Variants in AHCYL2 observed in about 807,000 individuals in gnomAD.
AHCYL2 encodes the protein S-adenosylhomocysteine hydrolase-like protein 2.
Under a neutral mutation model 81.4 loss-of-function variants are expected in AHCYL2, and 28 were observed. The observed-to-expected ratio is 0.34, with a 90% CI of 0.25 to 0.47. The LOEUF is 0.47. AHCYL2 is among the 20% of genes least tolerant of loss of function. AHCYL2 has a pLI of 1.00. For synonymous variants in AHCYL2, 272 were observed against 290.2 expected (o/e 0.94, Z 0.64); for missense variants, 551 against 785.1 (o/e 0.70, Z 3.56).
intron 1 of AHCYL2, among the ~76,000 whole-genome samples, chr7:129,326,183 T>C (rs1259170934): frequency 6.6e-6 from 1 of 152,174 alleles, no homozygotes; most frequent in African/African-American, 2.4e-5. Flanking sequence ...TTAAGACTTT[T>C]AATATGTGTT....
intron 4 of AHCYL2, among the ~76,000 whole-genome samples, chr7:129,390,100 A>G (rs1445805690): frequency 6.6e-6 from 1 of 152,202 alleles, no homozygotes; most frequent in Non-Finnish European, 1.5e-5. Flanking sequence ...CTATACATAT[A>G]TACCTATAAT....
chr7:129,233,355 T>A (rs889766372), intron 1 of AHCYL2, among the ~76,000 whole-genome samples: 6 of 152,086 alleles, frequency 3.9e-5, no homozygotes, highest in African/African-American at 1.4e-4. Flanking sequence ...GCTATTTTTT[T>A]ATTTTTTTGT....
At chr7:129,321,436 T>A (rs568321791) in intron 1 of AHCYL2, among the ~76,000 whole-genome samples, 1 of 152,330 alleles carries the variant, frequency 6.6e-6, no homozygotes, top group South Asian at 2.1e-4. Context: ...TTTTTCTTTT[T>A]TAGTTTGTTG....
Position 129,422,893 on chromosome 7 carries a change from C to T in AHCYL2, c.1515C>T (p.Asp505=). Residue 505 remains aspartate (D), a synonymous_variant, in exon 13 of 17, where the codon GAC becomes GAT. Coordinates refer to ENST00000325006, the MANE Select transcript of AHCYL2 (RefSeq NM_015328.4). The stretch of plus-strand genomic sequence containing the variant: ...GGGAGCGAGTGAGATCTCAAGTTGA[C>T]CATGTGATATGGCCTGATGGCAAGA... ...LTWERVRSQV[D]HVIWPDGKRI... 6.2e-7 allele frequency: 1 copy of T among 1,614,086 alleles called. No homozygotes were observed. The highest frequency in any genetic ancestry group is 8.5e-7 in the Non-Finnish European group (1 of 1,180,016).
In AHCYL2 at chr7:129,225,431, G is replaced by T; in HGVS notation, c.355G>T (p.Val119Phe). ...CACCGTCACCGAGGCGCCGCGCACA[G>T]TCAAGAAGGTACTGGGGCCGGGCTG... ...DGTVTEAPRT[V>F]KKQIQFADQK... The change falls in exon 1 of 17, where the codon GTC (valine) becomes TTC (phenylalanine). Residue 119 changes from valine to phenylalanine, a missense_variant. Val to Phe is a conservative substitution (Grantham distance 50). Coordinates refer to ENST00000325006, the MANE Select transcript of AHCYL2 (RefSeq NM_015328.4). 1 of 1,512,016 alleles carries T rather than the reference G, an allele frequency of 6.6e-7. No individual in the cohort carries two copies. The highest frequency in any genetic ancestry group is 8.8e-7 in the Non-Finnish European group (1 of 1,136,084). 93.7% of individuals were successfully genotyped at this position (1,512,016 alleles called of 1,614,324 possible).
intron 1 of AHCYL2, among the ~76,000 whole-genome samples, chr7:129,345,735 G>A (rs765102024): frequency 1.3e-5 from 2 of 152,144 alleles, no homozygotes; most frequent in Non-Finnish European, 2.9e-5. Context: ...TAGGATCATT[G>A]GCTGGAGAAC....
In AHCYL2 at chr7:129,389,754, C is replaced by T. The variant is rs535622217; in HGVS notation, c.720+20C>T. 6.3e-7 allele frequency: 1 copy of T among 1,588,578 alleles called. No homozygotes were observed. The highest frequency in any genetic ancestry group is 8.6e-7 in the Non-Finnish European group (1 of 1,169,168). ...ACTGCTGTGAGTTCTTTTCTTTTCT[C>T]CTTTTAATTACAATAGTTAATAATA... is the stretch of plus-strand genomic sequence containing the variant. On this transcript the variant is annotated intron_variant, in intron 4 of 16. Transcript: ENST00000325006.
At chr7:129,232,127 A>G (rs201406377) in intron 1 of AHCYL2, among the ~76,000 whole-genome samples, 2 of 152,138 alleles carry the variant, frequency 1.3e-5, no homozygotes, top group East Asian at 3.9e-4. Flanking sequence ...ACACACTTAC[A>G]TTCTACAGTG....
intron 1 of AHCYL2, among the ~76,000 whole-genome samples, chr7:129,300,687 G>T (rs1208881577): frequency 6.6e-6 from 1 of 152,148 alleles, no homozygotes; most frequent in Non-Finnish European, 1.5e-5. Flanking sequence ...GGATTATATG[G>T]TGGTTTTATT....
chr7:129,297,239 G>A (rs1300070787), intron 1 of AHCYL2, among the ~76,000 whole-genome samples: 2 of 152,180 alleles, frequency 1.3e-5, no homozygotes, highest in Non-Finnish European at 2.9e-5. Context: ...GTAGTGCTAT[G>A]TCCCCTGGTT....
chr7:129,239,473 C>T (rs1287977163), intron 1 of AHCYL2, among the ~76,000 whole-genome samples: 1 of 150,650 alleles, frequency 6.6e-6, no homozygotes, highest in Non-Finnish European at 1.5e-5. Context: ...CTTTGATACC[C>T]AGGCTGGAGT....
At chr7:129,315,269 T>TGCTTG (rs1797792995) in intron 1 of AHCYL2, among the ~76,000 whole-genome samples, 1 of 152,182 alleles carries the variant, frequency 6.6e-6, no homozygotes, top group South Asian at 2.1e-4. Context: ...GTCTGCTCAT[T>TGCTTG]GCTTGCATGA....
Position 129,389,678 on chromosome 7 carries a change from A to G in AHCYL2, c.664A>G (p.Lys222Glu). 7.4e-6 allele frequency: 12 copies of G among 1,613,858 alleles called. No homozygotes were observed. In the Middle Eastern group the frequency reaches 6.6e-4, roughly 89 times the overall value. The change falls in exon 4 of 17, where the codon AAG becomes GAG. Residue 222 changes from lysine (K) to glutamate (E), a missense_variant. This residue lies in a region of AHCYL2 where 316 missense variants were observed against 543.1 expected (regional missense o/e 0.58). Coordinates refer to ENST00000325006, the MANE Select transcript of AHCYL2 (RefSeq NM_015328.4). ...MALRKRAQGE[K>E]PLAGAKIVGC... ...TTTGAGGAAGAGAGCTCAAGGAGAA[A>G]AGCCTTTGGCTGGAGCCAAAATCGT...
chr7:129,406,028 C>G lies in AHCYL2; in HGVS notation c.1206+129C>G, dbSNP rs773014106. ...TAGATGAGAAAAAGAATTTCAGAGG[C>G]CTTCTGGTTGAAGTAGACTTTCTTT... is the stretch of plus-strand genomic sequence containing the variant. On this transcript the variant is annotated intron_variant, in intron 9 of 16. Transcript: ENST00000325006. This position sits in a 1 kb window ranked among gnomAD's most constrained non-coding sequence, Gnocchi z 4.3. The G allele has an allele frequency of 4.7e-6, 4 of 851,630 alleles. No homozygotes were observed. Among genetic ancestry groups the G allele is most frequent in the Non-Finnish European group, 7.2e-6 (4 of 552,686 alleles). 52.8% of individuals were successfully genotyped at this position (851,630 alleles called of 1,614,324 possible). A position where few individuals can be genotyped will look rare whatever the true frequency, so the allele number is the denominator to read the frequency against.
chr7:129,373,463 G>A (rs1794516504), intron 1 of AHCYL2, among the ~76,000 whole-genome samples: 1 of 151,986 alleles, frequency 6.6e-6, no homozygotes, highest in African/African-American at 2.4e-5. Flanking sequence ...AGCCAGGCGT[G>A]GTGGCATGCG....
At chr7:129,328,856 T>C (rs1345326807) in intron 1 of AHCYL2, among the ~76,000 whole-genome samples, 1 of 152,246 alleles carries the variant, frequency 6.6e-6, no homozygotes, top group African/African-American at 2.4e-5. Context: ...CCCTAATCAG[T>C]ATTTAAGCTT....
At chr7:129,225,863 C>A (rs1794196639) in intron 1 of AHCYL2, among the ~76,000 whole-genome samples, 3 of 152,138 alleles carry the variant, frequency 2.0e-5, no homozygotes, top group African/African-American at 7.2e-5. Context: ...ACTTGGAGAA[C>A]GAGTAAGGTG....
chr7:129,285,485 CAG>C, intron 1 of AHCYL2, among the ~76,000 whole-genome samples: 1 of 152,124 alleles, frequency 6.6e-6, no homozygotes, highest in Non-Finnish European at 1.5e-5. Context: ...CCCATGGTGT[CAG>C]GGAACCAGGA....
At chr7:129,298,397 C>T (rs75490464) in intron 1 of AHCYL2, among the ~76,000 whole-genome samples, 138 of 152,224 alleles carry the variant, frequency 9.1e-4, no homozygotes, top group African/African-American at 3.2e-3. Context: ...TTTAAATTTC[C>T]GTTACAACTG....
Sources: gnomAD v4.1 joint callset for allele counts (sites outside exome capture counted in the v4.1 genomes callset) on GRCh38, gnomAD v4.1.1 for gene constraint, gnomAD v4.1.1 regional missense constraint, Gnocchi (gnomAD v3.1) non-coding constraint, MANE v1.5 for transcripts, NCBI Gene and HGNC (gene_info 2026-07-23, HGNC 2026-07-21) for gene names.